Variants in EVL observed in about 807,000 individuals in gnomAD.
The protein encoded by EVL is ena/VASP-like protein.
EVL carries 21 observed loss-of-function variants against 59.6 expected under a neutral mutation model. That is an observed-to-expected ratio of 0.35 (90% CI 0.25 to 0.51). The LOEUF is 0.51. Among genes scored for constraint, EVL ranks in the 20% least tolerant of loss-of-function variants. The pLI, the probability that EVL is intolerant of heterozygous loss-of-function variation, is 0.97. For synonymous variants in EVL, 198 were observed against 203.5 expected, an observed-to-expected ratio of 0.97 and a Z score of 0.23; for missense variants, 462 against 546.6, an observed-to-expected ratio of 0.85 and a Z score of 1.54.
intron 3 of EVL, among the ~76,000 whole-genome samples, chr14:100,117,397 G>A (rs1484407053): frequency 2.0e-5 from 3 of 152,222 alleles, no homozygotes; most frequent in Non-Finnish European, 4.4e-5. Flanking sequence ...TCTCACACTC[G>A]CACCAGGGCT....
rs982172761 is a variant in EVL at position 99,975,663 on chromosome 14, G to T, written c.5+3606G>T. On this transcript the variant is annotated intron_variant, in intron 1 of 13. Transcript: ENST00000402714. ...CCCTTGCGTGCACAGTTCACAATAGGGTTCACGCTTCTATGAGAATCTAAT... is the reference window on the plus strand; with the variant it reads ...CCCTTGCGTGCACAGTTCACAATAGTGTTCACGCTTCTATGAGAATCTAAT... Among the ~76,000 whole-genome samples the T allele has an allele frequency of 2.0e-5, 3 of 152,230 alleles. No homozygotes were observed. In the South Asian group the frequency reaches 6.2e-4, roughly 32 times the overall value.
chr14:100,021,209 T>C (rs1385221381), intron 1 of EVL, among the ~76,000 whole-genome samples: 1 of 152,222 alleles, frequency 6.6e-6, no homozygotes, highest in East Asian at 1.9e-4. Flanking sequence ...CGTTTCATGG[T>C]TAGGGAAGAG....
At chr14:100,079,822 TC>T (rs1414233391) in intron 1 of EVL, among the ~76,000 whole-genome samples, 2 of 152,126 alleles carry the variant, frequency 1.3e-5, no homozygotes, top group Non-Finnish European at 2.9e-5. Flanking sequence ...CCTGAACTTT[TC>T]CAGAAGGATT....
At chr14:99,975,922 ACT>A (rs2060767318) in intron 1 of EVL, among the ~76,000 whole-genome samples, 1 of 151,666 alleles carries the variant, frequency 6.6e-6, no homozygotes, top group Admixed American at 6.6e-5. Flanking sequence ...TCTCCTTCTC[ACT>A]GTCTGTCTCT....
intron 4 of EVL, among the ~76,000 whole-genome samples, chr14:100,126,240 G>T (rs147240867): frequency 6.6e-6 from 1 of 152,216 alleles, no homozygotes; most frequent in South Asian, 2.1e-4. Context: ...GCCTATGACC[G>T]CTCAGTGGTA....
chr14:100,039,650 A>G (rs1273696990), intron 1 of EVL, among the ~76,000 whole-genome samples: 2 of 152,086 alleles, frequency 1.3e-5, no homozygotes, highest in Non-Finnish European at 2.9e-5. Context: ...AGAAATTTCT[A>G]AATAAACAAC....
At chr14:100,069,390 G>A (rs926014721) in intron 1 of EVL, among the ~76,000 whole-genome samples, 3 of 152,212 alleles carry the variant, frequency 2.0e-5, no homozygotes, top group East Asian at 1.9e-4. Flanking sequence ...TCGCACAGCC[G>A]GGGTTCAGCT....
At chr14:100,137,917 T>C in intron 11 of EVL, 115 bp downstream of exon 11, 1 of 1,050,346 alleles carries the variant, frequency 9.5e-7, no homozygotes, top group Non-Finnish European at 1.5e-6. Flanking sequence ...AACAACTTGC[T>C]CTGCGAAGGT....
intron 1 of EVL, among the ~76,000 whole-genome samples, chr14:100,031,713 G>C (rs2140218554): frequency 6.6e-6 from 1 of 152,334 alleles, no homozygotes; most frequent in East Asian, 1.9e-4. Flanking sequence ...AGCCAGTTCA[G>C]ATCCTTCCAG....
chr14:100,136,487 T>G (rs1046735997), intron 9 of EVL, among the ~76,000 whole-genome samples: 1 of 152,144 alleles, frequency 6.6e-6, no homozygotes, highest in Non-Finnish European at 1.5e-5. Flanking sequence ...GAGAGTATGA[T>G]GAGGCTTCGC....
intron 3 of EVL, among the ~76,000 whole-genome samples, chr14:100,113,699 C>T (rs748215070): frequency 6.6e-6 from 1 of 152,066 alleles, no homozygotes; most frequent in African/African-American, 2.4e-5. Context: ...AAAATCCATG[C>T]GTATTTTGCC....
chr14:99,972,325 C>T lies in EVL; in HGVS notation c.5+268C>T, dbSNP rs971925106. ...AAGGGGCAGGCGGCGCTGGCTTTGG[C>T]TGCTTGTGGGGTCCTCTTAGGCTCC... On this transcript the variant is annotated intron_variant, in intron 1 of 13. Transcript: ENST00000402714. The surrounding 1 kb of genome is among the most constrained non-coding windows in gnomAD (Gnocchi z 4.4). Among the ~76,000 whole-genome samples, 25 of 152,070 alleles carry T rather than the reference C, an allele frequency of 1.6e-4. No individual in the cohort carries two copies. The highest frequency in any genetic ancestry group is 6.0e-4 in the African/African-American group (25 of 41,418).
intron 1 of EVL, among the ~76,000 whole-genome samples, chr14:100,027,310 T>G (rs956844946): frequency 2.6e-5 from 4 of 152,202 alleles, no homozygotes; most frequent in Non-Finnish European, 5.9e-5. Flanking sequence ...CTGTTAACTC[T>G]TGTTGCCCTA....
chr14:100,060,257 C>T (rs934405617), intron 1 of EVL, among the ~76,000 whole-genome samples: 2 of 151,802 alleles, frequency 1.3e-5, no homozygotes, highest in African/African-American at 4.8e-5. Flanking sequence ...AGTGAAACCC[C>T]GTCTCTACTA....
Position 99,975,868 on chromosome 14 carries a change from C to G in EVL, c.5+3811C>G, listed in dbSNP as rs1277214912. ...TATCTTCTATGTCTCTTAACTGTTTCTCTGCATTTTACATGTTTCTCTCTC... is the reference window on the plus strand; with the variant it reads ...TATCTTCTATGTCTCTTAACTGTTTGTCTGCATTTTACATGTTTCTCTCTC... On this transcript the variant is annotated intron_variant, in intron 1 of 13. Transcript: ENST00000402714. Among the ~76,000 whole-genome samples, 3 of 152,218 alleles carry G rather than the reference C, an allele frequency of 2.0e-5. No homozygotes were observed. In the East Asian group the frequency reaches 5.8e-4, roughly 29 times the overall value.
chr14:99,995,650 T>C (rs1197928945), intron 1 of EVL, among the ~76,000 whole-genome samples: 6 of 152,200 alleles, frequency 3.9e-5, no homozygotes, highest in Non-Finnish European at 5.9e-5. Flanking sequence ...TTTCCCTGTT[T>C]CTTTGTATAC....
chr14:99,978,194 C>G (rs112685599), intron 1 of EVL: 2 of 150,288 alleles, frequency 1.3e-5, no homozygotes, highest in Non-Finnish European at 2.9e-5. Flanking sequence ...GTCAGGAGAT[C>G]GAGACCATCC....
At chr14:100,033,126 A>T (rs1405621478) in intron 1 of EVL, among the ~76,000 whole-genome samples, 1 of 152,192 alleles carries the variant, frequency 6.6e-6, no homozygotes. Flanking sequence ...ATCAGCCGGA[A>T]AGACTAAAAG....
chr14:100,055,057 G>C (rs181510961), intron 1 of EVL, among the ~76,000 whole-genome samples: 68 of 152,096 alleles, frequency 4.5e-4, no homozygotes, highest in African/African-American at 1.5e-3. Flanking sequence ...GAATTAGCTG[G>C]GCATTGTGGT....
Sources: gnomAD v4.1 joint callset for allele counts (sites outside exome capture counted in the v4.1 genomes callset) on GRCh38, gnomAD v4.1.1 for gene constraint, Gnocchi (gnomAD v3.1) non-coding constraint, MANE v1.5 for transcripts, NCBI Gene and HGNC (gene_info 2026-07-23, HGNC 2026-07-21) for gene names.